The following LHPP variants were observed in gnomAD, a reference collection of about 807,000 sequenced individuals.
LHPP encodes phospholysine phosphohistidine inorganic pyrophosphate phosphatase.
A neutral mutation model predicts 30.3 loss-of-function variants in LHPP; 24 were observed. The observed-to-expected ratio is 0.79, with a 90% CI of 0.57 to 1.11. The LOEUF is 1.11. LHPP is among the 50% of genes most tolerant of loss of function. The pLI is 0.00. For missense variants in LHPP, 356 were observed against 367.2 expected (o/e 0.97, Z 0.25); for synonymous variants, 150 against 157.1 (o/e 0.95, Z 0.34).
At chr10:124,589,891 G>A (rs1041038513) in intron 6 of LHPP, among the ~76,000 whole-genome samples, 5 of 152,138 alleles carry the variant, frequency 3.3e-5, no homozygotes, top group Non-Finnish European at 7.3e-5. Context: ...GTCTCAGCGC[G>A]CCCTGGCCGC....
intron 6 of LHPP, among the ~76,000 whole-genome samples, chr10:124,519,541 C>T (rs972018231): frequency 2.0e-5 from 3 of 152,098 alleles, no homozygotes; most frequent in Non-Finnish European, 4.4e-5. Context: ...ACCCATCACC[C>T]GAGCAGTATA....
rs564260562 is a variant in LHPP at position 124,518,376 on chromosome 10, C to A, written c.716+1105C>A. 5.6e-4 allele frequency among the ~76,000 whole-genome samples: 86 copies of A among 152,368 alleles called. No individual in the cohort carries two copies. In the South Asian group the frequency reaches 0.017, roughly 30 times the overall value. On this transcript the variant is annotated intron_variant, in intron 6 of 6. Coordinates refer to ENST00000368842, the MANE Select transcript of LHPP (RefSeq NM_022126.4). The stretch of plus-strand genomic sequence containing the variant: ...TTTCCAAGAGACCAGCCAGGGGTCC[C>A]CCAGTCCCCAATCCTGCCTTTCCTG...
chr10:124,603,854 G>A (rs756097315), intron 6 of LHPP, among the ~76,000 whole-genome samples: 13 of 152,224 alleles, frequency 8.5e-5, no homozygotes, highest in Non-Finnish European at 1.8e-4. Flanking sequence ...GGCCTGGGAG[G>A]ACACGGGCCT....
chr10:124,515,030 G>A (rs1254925749), intron 5 of LHPP, among the ~76,000 whole-genome samples: 4 of 152,046 alleles, frequency 2.6e-5, no homozygotes, highest in African/African-American at 9.7e-5. Flanking sequence ...TTGGACTCCT[G>A]GGCTCAAGTG....
chr10:124,514,916 C>T lies in LHPP; in HGVS notation c.625-2264C>T, dbSNP rs569289352. Among the ~76,000 whole-genome samples the T allele has an allele frequency of 2.0e-5, 3 of 152,232 alleles. No homozygotes were observed. The East Asian group carries it at 5.8e-4, about 29-fold the overall frequency. ...TCCCGGGCTCAAGTGATCCTCCCAC[C>T]TCAGTCTCCCAAGTAGCTGGGACTA... On this transcript the variant is annotated intron_variant, in intron 5 of 6. Transcript: ENST00000368842.
chr10:124,523,064 G>T lies in LHPP; in HGVS notation c.716+5793G>T, dbSNP rs185221384. 4.7e-4 allele frequency among the ~76,000 whole-genome samples: 71 copies of T among 152,340 alleles called. No homozygotes were observed. The highest frequency in any genetic ancestry group is 1.4e-3 in the African/African-American group (59 of 41,588). ...ACCCTGCAGCCACCACCCAGTCAAA[G>T]GCGCCACTGCCTGGGAAGCCCCTGC... On this transcript the variant is annotated intron_variant, in intron 6 of 6. Transcript: ENST00000368842. The surrounding 1 kb of genome is among the most constrained non-coding windows in gnomAD (Gnocchi z 4.2).
intron 5 of LHPP, among the ~76,000 whole-genome samples, chr10:124,511,428 C>T (rs1380650468): frequency 1.3e-5 from 2 of 152,134 alleles, no homozygotes; most frequent in African/African-American, 2.4e-5. Flanking sequence ...AGAGAAAATC[C>T]GTGGAAAGTA....
intron 5 of LHPP, among the ~76,000 whole-genome samples, chr10:124,511,926 T>G (rs531660880): frequency 5.9e-4 from 90 of 152,190 alleles, no homozygotes; most frequent in African/African-American, 2.1e-3. Context: ...GTCCTCCATG[T>G]CCTACAACCT....
At chr10:124,486,707 G>C (rs1953337857) in intron 2 of LHPP, among the ~76,000 whole-genome samples, 1 of 152,236 alleles carries the variant, frequency 6.6e-6, no homozygotes, top group East Asian at 1.9e-4. Flanking sequence ...ACTGACTTTA[G>C]CGACTCAGTC....
At chr10:124,513,157 C>A (rs1380309977) in intron 5 of LHPP, among the ~76,000 whole-genome samples, 1 of 152,018 alleles carries the variant, frequency 6.6e-6, no homozygotes, top group Non-Finnish European at 1.5e-5. Context: ...TGGTTGCAAT[C>A]TTGGCTCATT....
Position 124,550,146 on chromosome 10 carries a change from G to A in LHPP, c.716+32875G>A, listed in dbSNP as rs578078241. ...CTCTCCTTTGCGTGCTGTGAACTGG[G>A]CGTGAACACCTCCTGTGATGGGGAG... is the stretch of plus-strand genomic sequence containing the variant. On this transcript the variant is annotated intron_variant, in intron 6 of 6. Transcript: ENST00000368842. Among the ~76,000 whole-genome samples, 276 of 152,344 alleles carry A rather than the reference G, an allele frequency of 1.8e-3. 1 individual carries two copies. The highest frequency in any genetic ancestry group is 3.2e-3 in the Non-Finnish European group (219 of 68,016).
rs900866068 is a variant in LHPP, at chr10:124,461,837, G to T, written c.-26G>T. On this transcript the variant is annotated 5_prime_UTR_variant, in exon 1 of 7. Transcript: ENST00000368842. Reference sequence around the variant, plus strand: ...CCGGCGCCGGCGTCGGTTGGGACGCGGAGCTGAGGAGCAGGGCCGGGCGCC... The same window carrying T: ...CCGGCGCCGGCGTCGGTTGGGACGCTGAGCTGAGGAGCAGGGCCGGGCGCC... 6.5e-6 allele frequency: 8 copies of T among 1,231,172 alleles called. No homozygotes were observed. In the African/African-American group the frequency reaches 1.2e-4, roughly 19 times the overall value. 76.3% of individuals were successfully genotyped at this position (1,231,172 alleles called of 1,614,324 possible).
chr10:124,511,985 C>T (rs2133902937), intron 5 of LHPP, among the ~76,000 whole-genome samples: 1 of 151,536 alleles, frequency 6.6e-6, no homozygotes, highest in South Asian at 2.2e-4. Flanking sequence ...CTCACCTCCT[C>T]TGGGAGGCCT....
intron 6 of LHPP, among the ~76,000 whole-genome samples, chr10:124,518,755 G>C (rs1302622398): frequency 6.6e-6 from 1 of 152,218 alleles, no homozygotes; most frequent in East Asian, 1.9e-4. Context: ...AACTGAGAAT[G>C]GGCCTCTGAA....
At chr10:124,472,433 C>G (rs1032791864) in intron 1 of LHPP, among the ~76,000 whole-genome samples, 5 of 152,142 alleles carry the variant, frequency 3.3e-5, no homozygotes, top group Non-Finnish European at 7.3e-5. Flanking sequence ...CTGGTTTATC[C>G]AGACTTCAGA....
At chr10:124,497,987 C>T (rs777800750) in intron 4 of LHPP, 49 bp from the exon 5 acceptor site, 3 of 1,452,600 alleles carry the variant, frequency 2.1e-6, no homozygotes, top group South Asian at 1.1e-5. Context: ...TGGGCATACA[C>T]CTGTTCCTTG....
chr10:124,522,246 C>T (rs1954628264), intron 6 of LHPP, among the ~76,000 whole-genome samples: 1 of 152,180 alleles, frequency 6.6e-6, no homozygotes, highest in African/African-American at 2.4e-5. Context: ...GCGGCCCTCA[C>T]CTGGCTGGCA....
At chr10:124,571,897 T>A (rs1394932334) in intron 6 of LHPP, among the ~76,000 whole-genome samples, 1 of 152,048 alleles carries the variant, frequency 6.6e-6, no homozygotes, top group Admixed American at 6.6e-5. Flanking sequence ...AACAGGTGGG[T>A]TCAGGTGGGT....
At chr10:124,490,405 T>C in intron 3 of LHPP, 1 of 329,542 alleles carries the variant, frequency 3.0e-6, no homozygotes. Flanking sequence ...GCAAACTCCT[T>C]CCTGCAACCT....
Sources: gnomAD v4.1 joint callset for allele counts (sites outside exome capture counted in the v4.1 genomes callset) on GRCh38, gnomAD v4.1.1 for gene constraint, Gnocchi (gnomAD v3.1) non-coding constraint, MANE v1.5 for transcripts, NCBI Gene and HGNC (gene_info 2026-07-23, HGNC 2026-07-21) for gene names.